ERN2: variants seen among roughly 807,000 people sequenced by gnomAD.
ERN2 encodes endoplasmic reticulum to nucleus signaling 2.
Under a neutral mutation model 107.9 loss-of-function variants are expected in ERN2, and 111 were observed. That is an observed-to-expected ratio of 1.03 (90% CI 0.88 to 1.20). ERN2 has a LOEUF of 1.20. Ranked by LOEUF, ERN2 falls within the 50% of genes most tolerant of loss-of-function variation. ERN2 has a pLI of 0.00. For synonymous variants in ERN2, 524 were observed against 501.7 expected (o/e 1.04, Z -0.59); for missense variants, 1,225 against 1,197.9 (o/e 1.02, Z -0.33).
At chr16:23,694,266 G>A (rs879488748) in intron 17 of ERN2, among the ~76,000 whole-genome samples, 8 of 152,118 alleles carry the variant, frequency 5.3e-5, no homozygotes, top group African/African-American at 1.7e-4. Context: ...CAAAGTGCTG[G>A]GATTACAGGC....
intron 17 of ERN2, 125 bp downstream of exon 17, chr16:23,694,603 G>T: frequency 1.3e-6 from 1 of 787,100 alleles, no homozygotes; most frequent in Non-Finnish European, 2.0e-6. Context: ...AAACAAGCTT[G>T]GAGGAGCAGC....
At position 23,690,788 on chromosome 16, in the gene ERN2, A is replaced by C; in HGVS notation, c.*43T>G. On this transcript the variant is annotated 3_prime_UTR_variant, in exon 22 of 22. Coordinates refer to ENST00000256797, the MANE Select transcript of ERN2 (RefSeq NM_033266.4). ...AGGCCAGCCACAGGCTCAGCTCTTCAGTGAGCCAGCACGGAGACCATCTGT... is the reference window on the plus strand; with the variant it reads ...AGGCCAGCCACAGGCTCAGCTCTTCCGTGAGCCAGCACGGAGACCATCTGT... 1 of 1,533,796 alleles carries C rather than the reference A, an allele frequency of 6.5e-7. No homozygotes were observed. The highest frequency in any genetic ancestry group is 1.4e-5 in the African/African-American group (1 of 73,682).
chr16:23,712,997 C>G (rs919525917), intron 1 of ERN2, 98 bp downstream of exon 1: 1 of 888,976 alleles, frequency 1.1e-6, no homozygotes, highest in South Asian at 1.9e-5. Context: ...GGGAGAGGTG[C>G]CCCCGTGGCC....
At chr16:23,700,746 C>T in intron 12 of ERN2, 42 bp from the exon 13 acceptor site, 1 of 1,578,808 alleles carries the variant, frequency 6.3e-7, no homozygotes, top group Non-Finnish European at 8.6e-7. Flanking sequence ...CTGGCCACGC[C>T]CTGCCCCGTG....
intron 17 of ERN2, among the ~76,000 whole-genome samples, chr16:23,694,107 C>T (rs974828714): frequency 6.6e-6 from 1 of 152,134 alleles, no homozygotes; most frequent in Non-Finnish European, 1.5e-5. Flanking sequence ...GCGATCCTCC[C>T]ACCTCAGCCT....
At chr16:23,693,908 A>G (rs1959698291) in intron 17 of ERN2, among the ~76,000 whole-genome samples, 2 of 152,178 alleles carry the variant, frequency 1.3e-5, no homozygotes, top group Non-Finnish European at 2.9e-5. Context: ...CTTCGATACC[A>G]GTGGTTCTGG....
rs1475713492 is a variant in ERN2, at chr16:23,694,862, C to T, written c.1966G>A (p.Val656Met). ...CAGAGGCCGAAGTCTGAGAGCACCA[C>T]TCTGCCCAGGCCCTGGCTGTCAGGC... is the stretch of plus-strand genomic sequence containing the variant. ...TGPDSQGLGRVVLSDFGLCKK... is the reference protein window; with the variant it reads ...TGPDSQGLGRMVLSDFGLCKK... The change falls in exon 17 of 22, where the codon GTG becomes ATG. Residue 656 changes from valine (V) to methionine (M), a missense_variant. Coordinates refer to ENST00000256797, the MANE Select transcript of ERN2 (RefSeq NM_033266.4). The T allele has an allele frequency of 1.2e-6, 2 of 1,614,116 alleles. No homozygotes were observed. The highest frequency in any genetic ancestry group is 2.2e-5 in the South Asian group (2 of 91,096).
chr16:23,701,708 C>T (rs1243481185), intron 11 of ERN2, among the ~76,000 whole-genome samples: 1 of 151,422 alleles, frequency 6.6e-6, no homozygotes, highest in Non-Finnish European at 1.5e-5. Flanking sequence ...TAGCTCACTG[C>T]AGCCTCAAAC....
rs749447551 is a variant in ERN2 at position 23,702,714 on chromosome 16, GAAGAAA to G, written c.855-18_855-13del. 8.8e-5 allele frequency: 142 copies of G among 1,607,096 alleles called. No homozygotes were observed. Among genetic ancestry groups the G allele is most frequent in the Non-Finnish European group, 1.1e-4 (130 of 1,173,728 alleles). Reference sequence around the variant, plus strand: ...CATACAGCGTCATTCTAGTGGGAGAGAAGAAAAAGAAGAGAAGAATGAATGCTGGTG... The same window carrying G: ...CATACAGCGTCATTCTAGTGGGAGAGAAGAAGAGAAGAATGAATGCTGGTG... On this transcript the variant is annotated splice_polypyrimidine_tract_variant and intron_variant, in intron 8 of 21. Coordinates refer to ENST00000256797, the MANE Select transcript of ERN2 (RefSeq NM_033266.4).
At chr16:23,706,249 G>A (rs773895571) in intron 7 of ERN2, 81 bp downstream of exon 7, 177 of 962,020 alleles carry the variant, frequency 1.8e-4, no homozygotes, top group Non-Finnish European at 2.4e-4. Context: ...ATGTGGCTGG[G>A]AATTGGTCAT....
intron 7 of ERN2, among the ~76,000 whole-genome samples, chr16:23,705,591 A>T (rs1482688539): frequency 6.6e-6 from 1 of 151,932 alleles, no homozygotes; most frequent in Non-Finnish European, 1.5e-5. Context: ...CTGTAAGGTC[A>T]CTCAGGCAGT....
chr16:23,700,752 C>T (rs1363968433), intron 12 of ERN2, 48 bp from the exon 13 acceptor site: 3 of 1,566,620 alleles, frequency 1.9e-6, no homozygotes, highest in East Asian at 2.2e-5. Context: ...ACGCCCTGCC[C>T]CGTGATGGGC....
At chr16:23,707,128 T>C (rs199631703) in intron 4 of ERN2, 49 bp from the exon 5 acceptor site, 2 of 1,301,438 alleles carry the variant, frequency 1.5e-6, no homozygotes, top group Non-Finnish European at 2.2e-6. Context: ...CAACACACAG[T>C]GCTCACTGTG....
chr16:23,702,491 T>G lies in ERN2; in HGVS notation c.980A>C (p.Glu327Ala). The change falls in exon 10 of 22, where the codon GAG becomes GCG. Residue 327 changes from glutamate (E) to alanine (A), a missense_variant. Glu to Ala is a moderately radical substitution (Grantham distance 107). Transcript: ENST00000256797. ...CTCTCCTGAGACTTGGAGTGTCACC[T>G]CATCTGTGGTGGGGCCATCTGCGGG... ...LAPADGPTTD[E>A]VTLQVSGERE... The G allele has an allele frequency of 1.2e-6, 2 of 1,613,738 alleles. No individual in the cohort carries two copies. The highest frequency in any genetic ancestry group is 1.6e-4 in the Middle Eastern group (1 of 6,062).
At chr16:23,700,862 A>G (rs26763) in intron 12 of ERN2, 97 bp downstream of exon 12, 430,385 of 1,492,500 alleles carry the variant, frequency 0.29, 69,070 homozygotes, top group African/African-American at 0.64. Context: ...AGGGGGCAAA[A>G]TCAGAGCTGG....
Position 23,702,253 on chromosome 16 carries a change from C to A in ERN2, c.1102G>T (p.Val368Phe). Residue 368 changes from valine to phenylalanine, a missense_variant, in exon 11 of 22, where the codon GTC (valine) becomes TTC (phenylalanine). Transcript: ENST00000256797. ...ACCCTCAGCATGGTGGTGTGCAGGA[C>A]TGGGGGTAGCTCGTGGTGTCCTAAG... ...LLIGHHELPP[V>F]LHTTMLRVHP... 6.2e-7 allele frequency: 1 copy of A among 1,614,190 alleles called. No individual in the cohort carries two copies. The highest frequency in any genetic ancestry group is 1.1e-5 in the South Asian group (1 of 91,082).
In ERN2 at chr16:23,690,929, G is replaced by C; in HGVS notation, c.2683C>G (p.Arg895Gly). The C allele has an allele frequency of 2.5e-6, 4 of 1,613,896 alleles. No individual in the cohort carries two copies. Among genetic ancestry groups the C allele is most frequent in the Non-Finnish European group, 3.4e-6 (4 of 1,180,010 alleles). ...RFPRLLLHTH[R>G]AMRSCASESL... ...TCAGAGGCGCAGCTCCTCATGGCTC[G>C]GTGCGTGTGGAGGAGCAGCCGTGGG... The change falls in exon 22 of 22, where the codon CGA (arginine) becomes GGA (glycine). Residue 895 changes from arginine (R) to glycine (G), a missense_variant. Coordinates refer to ENST00000256797, the MANE Select transcript of ERN2 (RefSeq NM_033266.4).
In ERN2 at chr16:23,705,041, G is replaced by A; in HGVS notation, c.696C>T (p.Val232=). Residue 232 remains valine (V), a synonymous_variant, in exon 8 of 22, where the codon GTC becomes GTT. Coordinates refer to ENST00000256797, the MANE Select transcript of ERN2 (RefSeq NM_033266.4). ...TQDLGVPVMG[V]YTWHQDGLRQ... ...GCAGGCCGTCCTGGTGCCAGGTGTA[G>A]ACGCCCATCACAGGCACGCCCAGGT... The A allele has an allele frequency of 6.2e-7, 1 of 1,614,020 alleles. No individual in the cohort carries two copies. Among genetic ancestry groups the A allele is most frequent in the Non-Finnish European group, 8.5e-7 (1 of 1,180,036 alleles).
intron 2 of ERN2, 141 bp from the exon 3 acceptor site, chr16:23,710,690 C>T (rs1257285244): frequency 2.9e-6 from 3 of 1,024,640 alleles, no homozygotes; most frequent in Non-Finnish European, 4.6e-6. Context: ...AAAACTCTGT[C>T]AGATAGGGTC....
Sources: allele counts gnomAD v4.1 joint callset (sites outside exome capture counted in the v4.1 genomes callset), GRCh38; gene constraint gnomAD v4.1.1; transcripts MANE v1.5; gene names NCBI Gene and HGNC (gene_info 2026-07-23, HGNC 2026-07-21).